Variants in SEMA3E observed in about 807,000 individuals in gnomAD.
The protein encoded by SEMA3E is semaphorin-3E.
Under a neutral mutation model 93.6 loss-of-function variants are expected in SEMA3E, and 49 were observed. The ratio of observed to expected loss-of-function variants is 0.52; its 90% CI spans 0.42 to 0.66. The LOEUF (loss-of-function observed/expected upper bound fraction) is 0.66, where lower values mean the gene tolerates loss of function less well. SEMA3E is among the 30% of genes least tolerant of loss of function. The probability of loss-of-function intolerance (pLI) is 0.00; values close to 1 mark genes in which losing one functional copy is unlikely to be tolerated. For missense variants in SEMA3E, 906 were observed against 964.8 expected, an observed-to-expected ratio of 0.94 and a Z score of 0.81; for synonymous variants, 363 against 330.7, an observed-to-expected ratio of 1.10 and a Z score of -1.06.
intron 1 of SEMA3E, among the ~76,000 whole-genome samples, chr7:83,509,820 G>C (rs902563333): frequency 6.6e-6 from 1 of 152,132 alleles, no homozygotes; most frequent in Non-Finnish European, 1.5e-5. Context: ...GCTGTAGAAT[G>C]TTTCTGCTAA....
chr7:83,398,342 CATTAAAGTAACAGAAAAAA>C (rs1005734359), intron 11 of SEMA3E, among the ~76,000 whole-genome samples: 7 of 152,058 alleles, frequency 4.6e-5, no homozygotes, highest in African/African-American at 1.4e-4. Flanking sequence ...CAGTTTTTGC[CATTAAAGTAACAGAAAAAA>C]ACCGCAATTA....
At chr7:83,413,841 G>C (rs1305304956) in intron 5 of SEMA3E, among the ~76,000 whole-genome samples, 1 of 152,144 alleles carries the variant, frequency 6.6e-6, no homozygotes, top group African/African-American at 2.4e-5. Flanking sequence ...AGTTTTCTTG[G>C]TGGCAAACCA....
rs745374864 is a variant in SEMA3E at position 83,405,430 on chromosome 7, T to G, written c.998+20A>C. 1 of 1,560,034 alleles carries G rather than the reference T, an allele frequency of 6.4e-7. No homozygotes were observed. The highest frequency in any genetic ancestry group is 1.1e-5 in the South Asian group (1 of 89,972). ...ATCTCTTGTTCTATATTGTTTTTAT[T>G]GACTGTATAAATTTCTCACCTGGTA... is the stretch of plus-strand genomic sequence containing the variant. On this transcript the variant is annotated intron_variant, in intron 9 of 16. Coordinates refer to ENST00000643230, the MANE Select transcript of SEMA3E (RefSeq NM_012431.3).
intron 1 of SEMA3E, among the ~76,000 whole-genome samples, chr7:83,599,031 C>T (rs1243952701): frequency 6.6e-6 from 1 of 152,048 alleles, no homozygotes; most frequent in Non-Finnish European, 1.5e-5. Flanking sequence ...AATATTTAAA[C>T]TTATCTTTTG....
chr7:83,534,789 T>G (rs2535363), intron 1 of SEMA3E, among the ~76,000 whole-genome samples: 46,221 of 152,126 alleles, frequency 0.3, 7,942 homozygotes, highest in African/African-American at 0.47. Context: ...GCCTATAAGC[T>G]CTTTATTATT....
intron 1 of SEMA3E, among the ~76,000 whole-genome samples, chr7:83,597,263 A>G (rs1792895784): frequency 6.6e-6 from 1 of 152,170 alleles, no homozygotes; most frequent in Non-Finnish European, 1.5e-5. Flanking sequence ...TTATGATTTA[A>G]GTCCCACCAA....
intron 1 of SEMA3E, among the ~76,000 whole-genome samples, chr7:83,611,402 A>ATT (rs1793259772): frequency 6.9e-6 from 1 of 145,106 alleles, no homozygotes; most frequent in East Asian, 2.0e-4. Context: ...ATATATATAT[A>ATT]TATATCTCAC....
intron 11 of SEMA3E, among the ~76,000 whole-genome samples, chr7:83,397,513 C>G (rs1287702386): frequency 6.6e-6 from 1 of 151,990 alleles, no homozygotes; most frequent in Admixed American, 6.6e-5. Context: ...ACAGTTTTGG[C>G]AAGAAAAAAA....
chr7:83,581,636 A>C (rs1792520006), intron 1 of SEMA3E, among the ~76,000 whole-genome samples: 1 of 152,074 alleles, frequency 6.6e-6, no homozygotes, highest in African/African-American at 2.4e-5. Flanking sequence ...AGCTTAAATC[A>C]AAAATAAATA....
chr7:83,543,330 A>T (rs1791577920), intron 1 of SEMA3E, among the ~76,000 whole-genome samples: 1 of 151,694 alleles, frequency 6.6e-6, no homozygotes, highest in East Asian at 1.9e-4. Context: ...GTTGTTCCAA[A>T]AGCAGCAATA....
intron 1 of SEMA3E, among the ~76,000 whole-genome samples, chr7:83,525,535 A>AG (rs1554335153): frequency 6.6e-6 from 1 of 151,476 alleles, no homozygotes; most frequent in African/African-American, 2.4e-5. Context: ...TTTCTCATGT[A>AG]TTTTTTTCAT....
At position 83,455,653 on chromosome 7, in the gene SEMA3E, C is replaced by T. The variant is rs139512106; in HGVS notation, c.456+10829G>A. On this transcript the variant is annotated intron_variant, in intron 4 of 16. Transcript: ENST00000643230. The stretch of plus-strand genomic sequence containing the variant: ...TCCTTATACTACTTTATATGGCAAA[C>T]GTGATGGGATAGTCATTGTCATGAT... Among the ~76,000 whole-genome samples, 23 of 152,250 alleles carry T rather than the reference C, an allele frequency of 1.5e-4. 1 individual carries two copies. The East Asian group carries it at 3.7e-3, about 24-fold the overall frequency.
At position 83,405,493 on chromosome 7, in the gene SEMA3E, C is replaced by T. The variant is rs1788311567; in HGVS notation, c.955G>A (p.Asp319Asn). The T allele has an allele frequency of 6.2e-7, 1 of 1,613,020 alleles. No homozygotes were observed. Among genetic ancestry groups the T allele is most frequent in the Non-Finnish European group, 8.5e-7 (1 of 1,179,330 alleles). Residue 319 changes from aspartate to asparagine, a missense_variant, in exon 9 of 17, where the codon GAT becomes AAT. Physicochemically the swap from Asp to Asn is conservative, Grantham distance 23 (BLOSUM62 1). Transcript: ENST00000643230. ...LEDVFLLPTR[D>N]HKNPVIFGLF... ...CCAAATATCACTGGATTCTTATGATCTCTGGTAGGTAGCAAAAAAACGTCC... is the reference window on the plus strand; with the variant it reads ...CCAAATATCACTGGATTCTTATGATTTCTGGTAGGTAGCAAAAAAACGTCC...
At chr7:83,464,408 A>T (rs4401789) in intron 4 of SEMA3E, among the ~76,000 whole-genome samples, 132,835 of 136,830 alleles carry the variant, frequency 0.97, 64,645 homozygotes, top group Middle Eastern at 1. Flanking sequence ...CTATCTTGTC[A>T]AGTCATACTC....
intron 1 of SEMA3E, among the ~76,000 whole-genome samples, chr7:83,606,775 A>AT (rs1491089405): frequency 9.5e-6 from 1 of 104,982 alleles, no homozygotes; most frequent in African/African-American, 3.1e-5. Flanking sequence ...AAAAAAAAAA[A>AT]TTAAAAAAAA....
chr7:83,400,650 A>G (rs1788219549), intron 10 of SEMA3E, among the ~76,000 whole-genome samples: 1 of 152,116 alleles, frequency 6.6e-6, no homozygotes, highest in African/African-American at 2.4e-5. Context: ...CAGAAATTGG[A>G]AAGGCTAAAT....
chr7:83,464,348 C>G (rs1789704023), intron 4 of SEMA3E, among the ~76,000 whole-genome samples: 1 of 151,186 alleles, frequency 6.6e-6, no homozygotes, highest in Non-Finnish European at 1.5e-5. Flanking sequence ...CAGTCTCATT[C>G]CAGACACCAG....
chr7:83,460,700 C>T (rs931787906), intron 4 of SEMA3E, among the ~76,000 whole-genome samples: 1 of 150,918 alleles, frequency 6.6e-6, no homozygotes, highest in African/African-American at 2.4e-5. Flanking sequence ...GCACCCCAAT[C>T]CCTTATTTCT....
intron 1 of SEMA3E, among the ~76,000 whole-genome samples, chr7:83,592,738 C>A (rs1423480037): frequency 1.3e-5 from 2 of 151,988 alleles, no homozygotes; most frequent in Non-Finnish European, 2.9e-5. Context: ...CATAAAGGTG[C>A]AAACTAAGAT....
Sources: allele counts gnomAD v4.1 joint callset (sites outside exome capture counted in the v4.1 genomes callset), GRCh38; gene constraint gnomAD v4.1.1; transcripts MANE v1.5; gene names NCBI Gene and HGNC (gene_info 2026-07-23, HGNC 2026-07-21).